Variants in ANXA5 observed in about 807,000 individuals in gnomAD.
The protein encoded by ANXA5 is CBP-I.
ANXA5 carries 40 observed loss-of-function variants against 48.1 expected under a neutral mutation model. That is an observed-to-expected ratio of 0.83 (90% CI 0.65 to 1.08). The LOEUF (loss-of-function observed/expected upper bound fraction) is 1.08. Among genes scored for constraint, ANXA5 ranks in the 50% least tolerant of loss-of-function variants. The pLI is 0.00. For missense variants in ANXA5, 357 were observed against 376.8 expected (o/e 0.95, Z 0.44); for synonymous variants, 113 against 129.1 (o/e 0.88, Z 0.85).
chr4:121,673,624 A>G (rs1243622885), intron 8 of ANXA5, among the ~76,000 whole-genome samples: 1 of 152,182 alleles, frequency 6.6e-6, no homozygotes, highest in Non-Finnish European at 1.5e-5. Context: ...GAATAAGAAA[A>G]AAATGAGACT....
intron 8 of ANXA5, among the ~76,000 whole-genome samples, chr4:121,673,545 T>C (rs1207134487): frequency 6.6e-6 from 1 of 152,160 alleles, no homozygotes; most frequent in Non-Finnish European, 1.5e-5. Flanking sequence ...AATATAGAAG[T>C]TTTGATCACA....
intron 2 of ANXA5, among the ~76,000 whole-genome samples, chr4:121,688,436 ACT>A (rs150489398): frequency 0.02 from 3,078 of 152,052 alleles, 38 homozygotes; most frequent in East Asian, 0.042. Flanking sequence ...CACTGACCTC[ACT>A]CTGCTTGTTA....
chr4:121,678,167 C>T (rs1724728355), intron 7 of ANXA5: 2 of 607,960 alleles, frequency 3.3e-6, no homozygotes, highest in South Asian at 2.1e-5. Flanking sequence ...GAACAAGATA[C>T]CGCTATCATT....
rs922582971 is a variant in ANXA5, at chr4:121,696,928, C to A, written c.-101G>T. ...CGGCGGAGAGCCGGGCGACGGTACGCGGGGCGACGCCGAGATGCAGACGCT... is the reference window on the plus strand; with the variant it reads ...CGGCGGAGAGCCGGGCGACGGTACGAGGGGCGACGCCGAGATGCAGACGCT... On this transcript the variant is annotated 5_prime_UTR_variant, in exon 1 of 13. Transcript: ENST00000296511. The A allele has an allele frequency of 4.4e-6, 1 of 228,158 alleles. No homozygotes were observed. The highest frequency in any genetic ancestry group is 8.5e-6 in the Non-Finnish European group (1 of 117,732). The allele number at this position is 228,158 out of a possible 1,614,324, so 14.1% of individuals were successfully genotyped here.
chr4:121,668,418 G>T lies in ANXA5; in HGVS notation c.*50C>A. ...AATGCAGCTAAAGGTGCTGAAGGAA[G>T]GCAGTGGGGTGGTGCAGGCACACAG... On this transcript the variant is annotated 3_prime_UTR_variant, in exon 13 of 13. Transcript: ENST00000296511. 1.3e-6 allele frequency: 2 copies of T among 1,545,408 alleles called. No homozygotes were observed. Among genetic ancestry groups the T allele is most frequent in the Non-Finnish European group, 1.8e-6 (2 of 1,117,906 alleles).
At chr4:121,691,306 C>T (rs1248715061) in intron 2 of ANXA5, among the ~76,000 whole-genome samples, 2 of 122,538 alleles carry the variant, frequency 1.6e-5, no homozygotes, top group East Asian at 2.4e-4. Context: ...GTTCTTTACC[C>T]GCAAGGACTA....
intron 2 of ANXA5, among the ~76,000 whole-genome samples, chr4:121,695,776 T>C (rs1337956586): frequency 6.6e-6 from 1 of 152,036 alleles, no homozygotes; most frequent in Non-Finnish European, 1.5e-5. Context: ...GTGGGGCGCC[T>C]GTAATCCCAG....
In ANXA5 at chr4:121,668,496, A is replaced by G; in HGVS notation, c.935T>C (p.Leu312Pro). 2.5e-6 allele frequency: 4 copies of G among 1,613,562 alleles called. No individual in the cohort carries two copies. Among genetic ancestry groups the G allele is most frequent in the Non-Finnish European group, 3.4e-6 (4 of 1,179,584 alleles). The change falls in exon 13 of 13, where the codon CTT becomes CCT. Residue 312 changes from leucine to proline, a missense_variant. Transcript: ENST00000296511. The stretch of plus-strand genomic sequence containing the variant: ...GTCATCTTCTCCACAGAGCAGCAGA[A>G]GAGCTTTCTTATAGTCCCCAGATGT... ...GDTSGDYKKA[L>P]LLLCGEDD
intron 2 of ANXA5, among the ~76,000 whole-genome samples, chr4:121,691,229 C>G (rs916460530): frequency 6.6e-6 from 1 of 152,108 alleles, no homozygotes; most frequent in Non-Finnish European, 1.5e-5. Flanking sequence ...TTTTAATTCT[C>G]ACCTTCAAAA....
chr4:121,681,268 G>C (rs1317045982), intron 6 of ANXA5: 3 of 154,916 alleles, frequency 1.9e-5, no homozygotes, highest in African/African-American at 7.2e-5. Context: ...TGTGGGAAAG[G>C]GTTTAGGTTT....
intron 3 of ANXA5, among the ~76,000 whole-genome samples, chr4:121,685,051 T>TATATATAC (rs1274453648): frequency 6.9e-6 from 1 of 145,740 alleles, no homozygotes; most frequent in African/African-American, 2.6e-5. Flanking sequence ...TATATATATA[T>TATATATAC]ACACACACAC....
chr4:121,669,417 T>G, intron 12 of ANXA5, 185 bp downstream of exon 12: 3 of 709,966 alleles, frequency 4.2e-6, no homozygotes, highest in Non-Finnish European at 4.7e-6. Context: ...TACCCATGCT[T>G]TCACTTGGGA....
At chr4:121,671,448 T>TC in intron 10 of ANXA5, 99 bp downstream of exon 10, 1 of 832,342 alleles carries the variant, frequency 1.2e-6, no homozygotes, top group East Asian at 2.6e-5. Flanking sequence ...ATCAAGCTCT[T>TC]CCTTCACACC....
At chr4:121,695,389 G>A (rs1369309064) in intron 2 of ANXA5, among the ~76,000 whole-genome samples, 1 of 152,126 alleles carries the variant, frequency 6.6e-6, no homozygotes, top group Non-Finnish European at 1.5e-5. Flanking sequence ...ATTTTGATAA[G>A]TCAATCTGAT....
intron 2 of ANXA5, among the ~76,000 whole-genome samples, chr4:121,693,044 G>A (rs907354386): frequency 4.6e-5 from 7 of 152,176 alleles, no homozygotes; most frequent in African/African-American, 1.7e-4. Flanking sequence ...GACTAGCCTG[G>A]CCAACATGGC....
At chr4:121,695,241 AAT>A (rs1246540741) in intron 2 of ANXA5, among the ~76,000 whole-genome samples, 1 of 152,248 alleles carries the variant, frequency 6.6e-6, no homozygotes, top group Non-Finnish European at 1.5e-5. Flanking sequence ...CACTTGAAGT[AAT>A]ATGAGAATTG....
At chr4:121,669,755 A>C in intron 11 of ANXA5, 31 bp from the exon 12 acceptor site, 1 of 1,582,412 alleles carries the variant, frequency 6.3e-7, no homozygotes, top group Non-Finnish European at 8.5e-7. Context: ...AGAGAAGCAA[A>C]ATGCTTAAAA....
At chr4:121,681,576 G>A (rs555659370) in intron 6 of ANXA5, 95 bp downstream of exon 6, 55 of 685,968 alleles carry the variant, frequency 8.0e-5, no homozygotes, top group South Asian at 6.8e-5. Context: ...CATTTACTGC[G>A]TGCCTCCCAT....
chr4:121,678,786 G>C (rs1724743094), intron 6 of ANXA5, among the ~76,000 whole-genome samples: 1 of 152,130 alleles, frequency 6.6e-6, no homozygotes, highest in Non-Finnish European at 1.5e-5. Context: ...GATGGTACTG[G>C]AAAGTCTCCA....
Sources: gnomAD v4.1 joint callset for allele counts (sites outside exome capture counted in the v4.1 genomes callset) on GRCh38, gnomAD v4.1.1 for gene constraint, MANE v1.5 for transcripts, NCBI Gene and HGNC (gene_info 2026-07-23, HGNC 2026-07-21) for gene names.